ITPRID1: variants seen among roughly 807,000 people sequenced by gnomAD.
The protein encoded by ITPRID1 is ITPR interacting domain containing 1.
ITPRID1 carries 96 observed loss-of-function variants against 95.4 expected under a neutral mutation model. That is an observed-to-expected ratio of 1.01 (90% confidence interval 0.85 to 1.19). ITPRID1 has a LOEUF of 1.19. ITPRID1 is among the 50% of genes most tolerant of loss of function. ITPRID1 has a pLI of 0.00. For synonymous variants in ITPRID1, 510 were observed against 453.6 expected (o/e 1.12, Z -1.58); for missense variants, 1,339 against 1,252.9 (o/e 1.07, Z -1.04).
rs763795462 is a variant in ITPRID1, at chr7:31,651,945, G to C, written c.2718G>C (p.Glu906Asp). 6.3e-7 allele frequency: 1 copy of C among 1,592,238 alleles called. No individual in the cohort carries two copies. Among genetic ancestry groups the C allele is most frequent in the African/African-American group, 1.3e-5 (1 of 74,498 alleles). Residue 906 changes from glutamate to aspartate, a missense_variant, in exon 14 of 15, where the codon GAG (glutamate) becomes GAC (aspartate). Coordinates refer to ENST00000615280, the MANE Select transcript of ITPRID1 (RefSeq NM_001257967.3). ...TTCTATTATTTACTTGCAGGGAGGA[G>C]GCCGAGCAACTGCAAACGTTACGTG... ...SRDMSEEERE[E>D]AEQLQTLREA...
chr7:31,529,739 A>G, intron 1 of ITPRID1: 1 of 1,532,368 alleles, frequency 6.5e-7, no homozygotes, highest in South Asian at 1.2e-5. Context: ...AGGAGACAAA[A>G]AGGCACAGAA....
chr7:31,527,902 G>A (rs1352691067), intron 1 of ITPRID1, among the ~76,000 whole-genome samples: 1 of 152,136 alleles, frequency 6.6e-6, no homozygotes, highest in Non-Finnish European at 1.5e-5. Flanking sequence ...AGACCTGAAA[G>A]GGAAGTGTTC....
At chr7:31,587,740 T>C (rs1314002619) in intron 10 of ITPRID1, among the ~76,000 whole-genome samples, 1 of 150,888 alleles carries the variant, frequency 6.6e-6, no homozygotes, top group Admixed American at 6.6e-5. Context: ...CTTCAAACTA[T>C]ACTACAAGGC....
At position 31,642,766 on chromosome 7, in the gene ITPRID1, C is replaced by T; in HGVS notation, c.1396C>T (p.Gln466Ter). ...RDQSHSLVSS[Q>*]DCQLESDGPD... ...TCAGAGCCACAGCTTAGTATCATCC[C>T]AGGACTGTCAGCTAGAGTCGGATGG... The change falls in exon 12 of 15, where the codon CAG becomes TAG. Residue 466 changes from glutamine to a stop codon, truncating the protein, a stop_gained. Coordinates refer to ENST00000615280, the MANE Select transcript of ITPRID1 (RefSeq NM_001257967.3). LOFTEE classifies it high-confidence loss of function. 1 of 1,613,986 alleles carries T rather than the reference C, an allele frequency of 6.2e-7. No individual in the cohort carries two copies. The highest frequency in any genetic ancestry group is 8.5e-7 in the Non-Finnish European group (1 of 1,179,882).
chr7:31,630,196 A>G (rs1788860902), intron 10 of ITPRID1, among the ~76,000 whole-genome samples: 1 of 149,824 alleles, frequency 6.7e-6, no homozygotes, highest in Non-Finnish European at 1.5e-5. Flanking sequence ...TATGAGTTCT[A>G]AATTACCAGA....
At chr7:31,516,498 G>A (rs1442025592) in intron 1 of ITPRID1, among the ~76,000 whole-genome samples, 3 of 152,130 alleles carry the variant, frequency 2.0e-5, no homozygotes, top group South Asian at 2.1e-4. Context: ...TCCCAGGGAG[G>A]GTAGTAGACA....
chr7:31,553,633 C>G (rs1784357421), intron 3 of ITPRID1, among the ~76,000 whole-genome samples: 1 of 152,164 alleles, frequency 6.6e-6, no homozygotes. Flanking sequence ...CATTATGTAA[C>G]TGTTGAATGG....
chr7:31,652,685 T>C lies in ITPRID1; in HGVS notation c.2991T>C (p.Gly997=), dbSNP rs1404737785. The change falls in exon 15 of 15, where the codon GGT becomes GGC. Residue 997 remains glycine, a synonymous_variant. Transcript: ENST00000615280. The part of the protein sequence containing the change: ...PDDGQEAPCS[G]GTQLAAFTPP... ...ATGGCCAGGAGGCTCCCTGTTCAGG[T>C]GGGACCCAGTTGGCTGCCTTCACTC... The C allele has an allele frequency of 1.2e-6, 2 of 1,613,788 alleles. No homozygotes were observed. Among genetic ancestry groups the C allele is most frequent in the Non-Finnish European group, 8.5e-7 (1 of 1,179,876 alleles).
At chr7:31,595,555 T>A (rs1786053372) in intron 10 of ITPRID1, among the ~76,000 whole-genome samples, 1 of 150,878 alleles carries the variant, frequency 6.6e-6, no homozygotes, top group African/African-American at 2.4e-5. Flanking sequence ...AATTACTAAT[T>A]CAGATCACTT....
chr7:31,551,065 G>T lies in ITPRID1; in HGVS notation c.-24+1566G>T, dbSNP rs1267951488. Among the ~76,000 whole-genome samples, 2 of 143,294 alleles carry T rather than the reference G, an allele frequency of 1.4e-5. 1 individual carries two copies. The highest frequency in any genetic ancestry group is 4.4e-4 in the East Asian group (2 of 4,538). The allele number at this position is 143,294 out of a possible 152,430, so 94.0% of individuals were successfully genotyped here. ...TCAGCCAAAATCAGTGAAGGAGTGAGATTATTTTGGGGATCTTATTTTTCT... is the reference window on the plus strand; with the variant it reads ...TCAGCCAAAATCAGTGAAGGAGTGATATTATTTTGGGGATCTTATTTTTCT... On this transcript the variant is annotated intron_variant, in intron 2 of 14. Transcript: ENST00000615280.
intron 5 of ITPRID1, among the ~76,000 whole-genome samples, chr7:31,560,524 G>A (rs1436065885): frequency 6.6e-6 from 1 of 152,138 alleles, no homozygotes; most frequent in Non-Finnish European, 1.5e-5. Flanking sequence ...GAGAGGATAG[G>A]GCTATACAAG....
rs1357483127 is a variant in ITPRID1 at position 31,650,770 on chromosome 7, A to C, written c.2584-372A>C. On this transcript the variant is annotated intron_variant, in intron 12 of 14. Coordinates refer to ENST00000615280, the MANE Select transcript of ITPRID1 (RefSeq NM_001257967.3). ...TCAGAGTGAGGCAGTACCCAGCAAC[A>C]AAGTTAAACAAGATTAAACAGACTC... Among the ~76,000 whole-genome samples the C allele has an allele frequency of 2.6e-5, 4 of 152,334 alleles. No individual in the cohort carries two copies. The East Asian group carries it at 7.7e-4, about 29-fold the overall frequency.
chr7:31,642,323 A>G, intron 11 of ITPRID1, 65 bp downstream of exon 11: 2 of 1,103,056 alleles, frequency 1.8e-6, no homozygotes, highest in Non-Finnish European at 2.6e-6. Flanking sequence ...CCTATCAACC[A>G]GGCTGCCACC....
chr7:31,521,676 TTCCTTCCTTCC>T (rs1164597604), intron 1 of ITPRID1, among the ~76,000 whole-genome samples: 1 of 135,956 alleles, frequency 7.4e-6, no homozygotes. Context: ...CCTTCCTTCC[TTCCTTCCTTCC>T]TCCTTTATTC....
chr7:31,587,318 A>T (rs1247690959), intron 10 of ITPRID1, among the ~76,000 whole-genome samples: 2 of 152,116 alleles, frequency 1.3e-5, no homozygotes, highest in Non-Finnish European at 2.9e-5. Context: ...AGTGTACAAA[A>T]ATCACAAGCA....
At chr7:31,611,599 T>A (rs1198963241) in intron 10 of ITPRID1, among the ~76,000 whole-genome samples, 5 of 144,194 alleles carry the variant, frequency 3.5e-5, no homozygotes, top group Non-Finnish European at 7.8e-5. Flanking sequence ...TAGAATTCTA[T>A]ATTCTATATT....
chr7:31,623,029 A>G (rs1438977674), intron 10 of ITPRID1, among the ~76,000 whole-genome samples: 3 of 152,198 alleles, frequency 2.0e-5, no homozygotes, highest in Non-Finnish European at 4.4e-5. Context: ...TCCTCAACAC[A>G]TACACCCTCC....
chr7:31,631,971 G>A (rs1017485784), intron 10 of ITPRID1, among the ~76,000 whole-genome samples: 4 of 152,214 alleles, frequency 2.6e-5, no homozygotes, highest in African/African-American at 4.8e-5. Context: ...GTCCAGCACA[G>A]CAGAGGGCCC....
At chr7:31,560,955 C>T (rs539642409) in intron 5 of ITPRID1, among the ~76,000 whole-genome samples, 2 of 151,748 alleles carry the variant, frequency 1.3e-5, no homozygotes, top group South Asian at 4.2e-4. Flanking sequence ...ATGTGAAGGA[C>T]CAGCAAAGGA....
Sources: gnomAD v4.1 joint callset for allele counts (sites outside exome capture counted in the v4.1 genomes callset) on GRCh38, gnomAD v4.1.1 for gene constraint, MANE v1.5 for transcripts, NCBI Gene and HGNC (gene_info 2026-07-23, HGNC 2026-07-21) for gene names.